MB21D2: variants seen among roughly 807,000 people sequenced by gnomAD.
MB21D2 encodes nucleotidyltransferase MB21D2.
MB21D2 carries 9 observed loss-of-function variants against 33.3 expected under a neutral mutation model. The observed-to-expected ratio is 0.27, with a 90% CI of 0.16 to 0.47. The LOEUF (loss-of-function observed/expected upper bound fraction) is 0.47. Ranked by LOEUF, MB21D2 falls within the 20% of genes least tolerant of loss-of-function variation. The pLI is 0.99. For synonymous variants in MB21D2, 241 were observed against 236.3 expected, an observed-to-expected ratio of 1.02 and a Z score of -0.18; for missense variants, 540 against 624.6, an observed-to-expected ratio of 0.86 and a Z score of 1.44.
intron 1 of MB21D2, among the ~76,000 whole-genome samples, chr3:192,871,850 G>A (rs2108638222): frequency 6.6e-6 from 1 of 152,210 alleles, no homozygotes; most frequent in South Asian, 2.1e-4. Flanking sequence ...CAAGGGGGGT[G>A]AGGGGAAATT....
At chr3:192,853,784 G>A (rs146725386) in intron 1 of MB21D2, among the ~76,000 whole-genome samples, 89 of 152,258 alleles carry the variant, frequency 5.8e-4, no homozygotes, top group African/African-American at 2.0e-3. Flanking sequence ...GAGCAAGTGA[G>A]CACCACTTTT....
intron 1 of MB21D2, among the ~76,000 whole-genome samples, chr3:192,831,000 C>A (rs1022860391): frequency 6.6e-6 from 1 of 152,148 alleles, no homozygotes; most frequent in Non-Finnish European, 1.5e-5. Context: ...CAGCCCACAC[C>A]CAGTGATCCT....
chr3:192,832,506 G>A (rs1269761042), intron 1 of MB21D2, among the ~76,000 whole-genome samples: 1 of 152,168 alleles, frequency 6.6e-6, no homozygotes, highest in Admixed American at 6.5e-5. Flanking sequence ...GAAAGAGTAT[G>A]TCTCGCCAGG....
intron 1 of MB21D2, among the ~76,000 whole-genome samples, chr3:192,849,159 A>C (rs1712733093): frequency 6.6e-6 from 1 of 152,118 alleles, no homozygotes; most frequent in African/African-American, 2.4e-5. Flanking sequence ...TGGAGTGACA[A>C]GCTGGCTTCC....
intron 1 of MB21D2, among the ~76,000 whole-genome samples, chr3:192,909,849 T>C (rs1367493717): frequency 7.1e-6 from 1 of 140,972 alleles, no homozygotes; most frequent in Non-Finnish European, 1.5e-5. Context: ...GGAGAATCAC[T>C]GGAACCCGGG....
chr3:192,828,591 CATATATATA>C lies in MB21D2; in HGVS notation c.212-28950_212-28942del, dbSNP rs1712230467. Among the ~76,000 whole-genome samples, 57 of 54,138 alleles carry C rather than the reference CATATATATA, an allele frequency of 1.1e-3. 8 individuals are homozygous for C. The highest frequency in any genetic ancestry group is 1.6e-3 in the Non-Finnish European group (42 of 25,826). 35.5% of individuals were successfully genotyped at this position (54,138 alleles called of 152,430 possible). ...TATATACAATAAAACTCACCCCCCC[CATATATATA>C]TATATATATATATATATATATATAT... is the stretch of plus-strand genomic sequence containing the variant. On this transcript the variant is annotated intron_variant, in intron 1 of 1. Coordinates refer to ENST00000392452, the MANE Select transcript of MB21D2 (RefSeq NM_178496.4).
Position 192,799,751 on chromosome 3 carries a change from C to T in MB21D2, c.212-101G>A. ...CTCTGATGTTCCAAGAACCAAAACT[C>T]ATTATCAGTACTAAATCAAATCTCA... is the stretch of plus-strand genomic sequence containing the variant. On this transcript the variant is annotated intron_variant, in intron 1 of 1. Coordinates refer to ENST00000392452, the MANE Select transcript of MB21D2 (RefSeq NM_178496.4). The surrounding 1 kb of genome is among the most constrained non-coding windows in gnomAD (Gnocchi z 4.1). 4.8e-6 allele frequency: 6 copies of T among 1,250,512 alleles called. No homozygotes were observed. Among genetic ancestry groups the T allele is most frequent in the Non-Finnish European group, 6.5e-6 (6 of 923,788 alleles). The allele number at this position is 1,250,512 out of a possible 1,614,324, so 77.5% of individuals were successfully genotyped here. A position where few individuals can be genotyped will look rare whatever the true frequency, so the allele number is the denominator to read the frequency against.
At chr3:192,849,980 G>A (rs1203121795) in intron 1 of MB21D2, among the ~76,000 whole-genome samples, 2 of 150,118 alleles carry the variant, frequency 1.3e-5, no homozygotes, top group East Asian at 4.0e-4. Context: ...GTGCAGTGGT[G>A]CGATCTTGGC....
chr3:192,911,315 T>C (rs1029518893), intron 1 of MB21D2, among the ~76,000 whole-genome samples: 1 of 152,032 alleles, frequency 6.6e-6, no homozygotes, highest in Non-Finnish European at 1.5e-5. Flanking sequence ...ACCTGTGACA[T>C]AGTAAACACC....
At chr3:192,841,061 C>A (rs553854756) in intron 1 of MB21D2, among the ~76,000 whole-genome samples, 2 of 152,304 alleles carry the variant, frequency 1.3e-5, no homozygotes, top group Non-Finnish European at 2.9e-5. Context: ...ATAACCAATC[C>A]TTCCAGGCAC....
At chr3:192,865,432 T>C (rs1351012442) in intron 1 of MB21D2, among the ~76,000 whole-genome samples, 2 of 152,146 alleles carry the variant, frequency 1.3e-5, no homozygotes, top group Non-Finnish European at 2.9e-5. Flanking sequence ...ATTGGAGAAA[T>C]GGTTCAGCAG....
intron 1 of MB21D2, among the ~76,000 whole-genome samples, chr3:192,814,971 C>T (rs1412715071): frequency 1.3e-5 from 2 of 151,972 alleles, no homozygotes; most frequent in East Asian, 3.9e-4. Context: ...TTTCCCCCAA[C>T]CATCTAAAAA....
Position 192,803,354 on chromosome 3 carries a change from ACTT to A in MB21D2, c.212-3707_212-3705del, listed in dbSNP as rs752766219. Among the ~76,000 whole-genome samples, 23 of 152,312 alleles carry A rather than the reference ACTT, an allele frequency of 1.5e-4. No individual in the cohort carries two copies. In the Middle Eastern group the frequency reaches 0.01, roughly 68 times the overall value. The stretch of plus-strand genomic sequence containing the variant: ...TTCAGGAGATAGGGTAATTTTGAAC[ACTT>A]CTTATTCCTTTTAAAGTGAAGAAAG... On this transcript the variant is annotated intron_variant, in intron 1 of 1. Transcript: ENST00000392452.
intron 1 of MB21D2, among the ~76,000 whole-genome samples, chr3:192,859,833 T>C (rs1713000186): frequency 6.6e-6 from 1 of 152,082 alleles, no homozygotes; most frequent in Admixed American, 6.5e-5. Context: ...GAGGAAACAA[T>C]ATGGAAAAGT....
intron 1 of MB21D2, among the ~76,000 whole-genome samples, chr3:192,877,054 A>G (rs998989379): frequency 6.6e-6 from 1 of 152,196 alleles, no homozygotes; most frequent in East Asian, 1.9e-4. Flanking sequence ...TGTATGAAAG[A>G]GAAGGAGAGA....
intron 1 of MB21D2, among the ~76,000 whole-genome samples, chr3:192,825,575 A>C (rs191258693): frequency 6.6e-6 from 1 of 152,360 alleles, no homozygotes; most frequent in Admixed American, 6.5e-5. Context: ...CTGCAAGTGG[A>C]ATTTAAATAA....
chr3:192,806,425 A>G (rs1033844039), intron 1 of MB21D2, among the ~76,000 whole-genome samples: 2 of 152,138 alleles, frequency 1.3e-5, no homozygotes, highest in African/African-American at 4.8e-5. Context: ...TTCAATCTGT[A>G]TTTGATTGAA....
At chr3:192,914,435 G>A (rs746179100) in intron 1 of MB21D2, among the ~76,000 whole-genome samples, 2 of 151,926 alleles carry the variant, frequency 1.3e-5, no homozygotes, top group Non-Finnish European at 2.9e-5. Flanking sequence ...TGTTCAATGG[G>A]GACACAAACC....
Position 192,798,549 on chromosome 3 carries a change from G to A in MB21D2, c.1313C>T (p.Pro438Leu), listed in dbSNP as rs1470196807. The A allele has an allele frequency of 3.1e-6, 5 of 1,614,080 alleles. No homozygotes were observed. The highest frequency in any genetic ancestry group is 4.2e-6 in the Non-Finnish European group (5 of 1,180,060). ...GTCCCCTCCGTCAGACTGTGGAGAG[G>A]GGATGCTGGTGGTGCTACCTCGCCT... ...LQRRGSTTSI[P>L]SPQSDGGDPN... The change falls in exon 2 of 2, where the codon CCC becomes CTC. Residue 438 changes from proline (P) to leucine (L), a missense_variant. Coordinates refer to ENST00000392452, the MANE Select transcript of MB21D2 (RefSeq NM_178496.4). The surrounding 1 kb of genome is among the most constrained non-coding windows in gnomAD (Gnocchi z 4.8).
Sources: allele counts gnomAD v4.1 joint callset (sites outside exome capture counted in the v4.1 genomes callset), GRCh38; gene constraint gnomAD v4.1.1; non-coding constraint Gnocchi (gnomAD v3.1); transcripts MANE v1.5; gene names NCBI Gene and HGNC (gene_info 2026-07-23, HGNC 2026-07-21).